HS6ST2: variants seen among roughly 807,000 people sequenced by gnomAD.
HS6ST2 encodes heparan-sulfate 6-O-sulfotransferase 2.
A neutral mutation model predicts 33.0 loss-of-function variants in HS6ST2; 17 were observed. The ratio of observed to expected loss-of-function variants is 0.52; its 90% confidence interval spans 0.35 to 0.77. The LOEUF is 0.77. Among genes scored for constraint, HS6ST2 ranks in the 30% least tolerant of loss-of-function variants. HS6ST2 has a pLI of 0.01. For missense variants in HS6ST2, 519 were observed against 551.7 expected, an observed-to-expected ratio of 0.94 and a Z score of 0.59; for synonymous variants, 248 against 237.1, an observed-to-expected ratio of 1.05 and a Z score of -0.42.
intron 2 of HS6ST2, among the ~76,000 whole-genome samples, chrX:132,816,043 C>G (rs1180630855): frequency 9.0e-6 from 1 of 111,531 alleles, no homozygotes; most frequent in African/African-American, 3.3e-5. Flanking sequence ...TATCCCCAGG[C>G]CCCAGCACAT....
At chrX:132,877,125 C>T (rs2066114878) in intron 2 of HS6ST2, among the ~76,000 whole-genome samples, 1 of 112,067 alleles carries the variant, frequency 8.9e-6, no homozygotes, top group Admixed American at 9.4e-5. Context: ...TTTAAATGCA[C>T]ATCCCCCAAG....
intron 2 of HS6ST2, among the ~76,000 whole-genome samples, chrX:132,784,557 G>A (rs1186664287): frequency 9.0e-6 from 1 of 111,590 alleles, no homozygotes; most frequent in African/African-American, 3.3e-5. Context: ...TGATCTGCCC[G>A]CCTTGGCCTC....
At chrX:132,767,872 T>C (rs1228971375) in intron 2 of HS6ST2, among the ~76,000 whole-genome samples, 1 of 111,389 alleles carries the variant, frequency 9.0e-6, no homozygotes, top group Non-Finnish European at 1.9e-5. Flanking sequence ...TTGCCCAAGA[T>C]CATAATTCCT....
At chrX:132,666,967 G>A (rs778701350) in intron 4 of HS6ST2, among the ~76,000 whole-genome samples, 58 of 110,934 alleles carry the variant, frequency 5.2e-4, no homozygotes, top group Non-Finnish European at 9.8e-4. Context: ...CAAAGCTAAG[G>A]AAATGCATAG....
intron 2 of HS6ST2, among the ~76,000 whole-genome samples, chrX:132,719,261 G>A (rs1197058269): frequency 5.4e-5 from 6 of 112,022 alleles, no homozygotes; most frequent in Non-Finnish European, 7.5e-5. Context: ...GAGAGAGAAA[G>A]GGACTCAACC....
At chrX:132,826,994 A>C (rs1046378629) in intron 2 of HS6ST2, among the ~76,000 whole-genome samples, 1 of 111,381 alleles carries the variant, frequency 9.0e-6, no homozygotes, top group Admixed American at 9.7e-5. Flanking sequence ...CGAAATACTA[A>C]AATAAAATAT....
chrX:132,826,144 G>A lies in HS6ST2; in HGVS notation c.948-117650C>T, dbSNP rs989177495. ...ATGATTTCACTTTTCACGTGTGACT[G>A]CTTTACGGTAGAGGCTGCACTGCAC... On this transcript the variant is annotated intron_variant, in intron 2 of 4. Coordinates refer to ENST00000370833, the MANE Select transcript of HS6ST2 (RefSeq NM_001394073.1). Among the ~76,000 whole-genome samples the A allele has an allele frequency of 7.1e-5, 8 of 112,725 alleles. No homozygotes were observed. The Admixed American group carries it at 7.5e-4, about 11-fold the overall frequency.
intron 2 of HS6ST2, among the ~76,000 whole-genome samples, chrX:132,884,498 A>G (rs1053286659): frequency 1.8e-5 from 2 of 111,909 alleles, no homozygotes; most frequent in Admixed American, 9.6e-5. Flanking sequence ...ACAAATTACA[A>G]CTAAAACAAA....
At chrX:132,855,164 T>A (rs2065841420) in intron 2 of HS6ST2, among the ~76,000 whole-genome samples, 1 of 111,942 alleles carries the variant, frequency 8.9e-6, no homozygotes, top group Non-Finnish European at 1.9e-5. Flanking sequence ...AGCAAGAACC[T>A]CTTCGATAGC....
chrX:132,935,714 C>T (rs747926126), intron 2 of HS6ST2, among the ~76,000 whole-genome samples: 1 of 110,580 alleles, frequency 9.0e-6, no homozygotes, highest in East Asian at 2.8e-4. Flanking sequence ...AAACATCACA[C>T]TGCAAAATAA....
chrX:132,665,559 C>T (rs1031591667), intron 4 of HS6ST2, among the ~76,000 whole-genome samples: 2 of 111,649 alleles, frequency 1.8e-5, no homozygotes, highest in Non-Finnish European at 3.8e-5. Context: ...CAGTTACTTG[C>T]TTTCTGGGGA....
intron 2 of HS6ST2, among the ~76,000 whole-genome samples, chrX:132,747,970 A>AT (rs908725713): frequency 1.2e-4 from 13 of 110,685 alleles, no homozygotes; most frequent in South Asian, 7.8e-4. Flanking sequence ...ATTTTCTTTG[A>AT]TTTTTTTTTA....
At chrX:132,698,010 C>T (rs186400613) in intron 3 of HS6ST2, among the ~76,000 whole-genome samples, 3 of 111,898 alleles carry the variant, frequency 2.7e-5, no homozygotes, top group Non-Finnish European at 3.8e-5. Flanking sequence ...GATCACTAAA[C>T]GGACATGGTA....
At chrX:132,953,761 G>A (rs779015847) in intron 2 of HS6ST2, among the ~76,000 whole-genome samples, 2 of 112,458 alleles carry the variant, frequency 1.8e-5, no homozygotes, top group South Asian at 7.4e-4. Context: ...TTCTCCCAAT[G>A]GGTGTGGTAA....
chrX:132,848,949 T>C (rs1372899693), intron 2 of HS6ST2, among the ~76,000 whole-genome samples: 3 of 111,538 alleles, frequency 2.7e-5, no homozygotes, highest in Non-Finnish European at 5.6e-5. Context: ...AAAAATCTCT[T>C]TGTCCTTGAG....
chrX:132,907,784 C>A lies in HS6ST2; in HGVS notation c.947+49024G>T, dbSNP rs138762940. Among the ~76,000 whole-genome samples the A allele has an allele frequency of 4.5e-5, 5 of 112,263 alleles. No individual in the cohort carries two copies. In the South Asian group the frequency reaches 1.1e-3, roughly 25 times the overall value. The stretch of plus-strand genomic sequence containing the variant: ...ATTCAAAAATTAACTTGAAATCGAT[C>A]GGAGACAGAAATGTAAGAGCTAAAA... On this transcript the variant is annotated intron_variant, in intron 2 of 4. Coordinates refer to ENST00000370833, the MANE Select transcript of HS6ST2 (RefSeq NM_001394073.1).
At chrX:132,905,797 G>A (rs905101862) in intron 2 of HS6ST2, among the ~76,000 whole-genome samples, 2 of 111,439 alleles carry the variant, frequency 1.8e-5, no homozygotes, top group East Asian at 2.8e-4. Flanking sequence ...AGCTATTTCC[G>A]TTACCTCACA....
intron 2 of HS6ST2, among the ~76,000 whole-genome samples, chrX:132,818,477 A>G (rs938940755): frequency 4.5e-5 from 5 of 111,736 alleles, no homozygotes; most frequent in African/African-American, 1.6e-4. Context: ...GGGATAGGCA[A>G]TAACTGCCAT....
chrX:132,946,817 A>T (rs769912552), intron 2 of HS6ST2, among the ~76,000 whole-genome samples: 2 of 111,984 alleles, frequency 1.8e-5, no homozygotes, highest in South Asian at 7.5e-4. Flanking sequence ...GAGAAAATAT[A>T]TAATATGCTC....
Sources: allele counts gnomAD v4.1 joint callset (sites outside exome capture counted in the v4.1 genomes callset), GRCh38; gene constraint gnomAD v4.1.1; transcripts MANE v1.5; gene names NCBI Gene and HGNC (gene_info 2026-07-23, HGNC 2026-07-21).